Variants in ACMSD observed in about 807,000 individuals in gnomAD.
ACMSD encodes the protein aminocarboxymuconate semialdehyde decarboxylase.
Under a neutral mutation model 45.9 loss-of-function variants are expected in ACMSD, and 37 were observed. The ratio of observed to expected loss-of-function variants is 0.81; its 90% CI spans 0.62 to 1.06. The LOEUF (loss-of-function observed/expected upper bound fraction) is 1.06, where lower values mean the gene tolerates loss of function less well. Among genes scored for constraint, ACMSD ranks in the 50% least tolerant of loss-of-function variants. The pLI is 0.00. For missense variants in ACMSD, 434 were observed against 420.9 expected (o/e 1.03, Z -0.27); for synonymous variants, 138 against 148.8 (o/e 0.93, Z 0.53).
At chr2:134,878,142 C>T (rs1688851456) in intron 8 of ACMSD, among the ~76,000 whole-genome samples, 1 of 152,096 alleles carries the variant, frequency 6.6e-6, no homozygotes, top group African/African-American at 2.4e-5. Context: ...TTGTTCCTCA[C>T]ACACTCAATA....
chr2:134,874,659 A>C lies in ACMSD; in HGVS notation c.849+2018A>C, dbSNP rs371537039. Among the ~76,000 whole-genome samples the C allele has an allele frequency of 3.3e-5, 5 of 152,316 alleles. No homozygotes were observed. The East Asian group carries it at 7.7e-4, about 23-fold the overall frequency. On this transcript the variant is annotated intron_variant, in intron 8 of 9. Transcript: ENST00000356140. ...TTGATGCATTAGGAACAAATGCAGG[A>C]TATACATAGAAAATTAAGCTAATGA...
intron 8 of ACMSD, among the ~76,000 whole-genome samples, chr2:134,895,328 T>TTACATATATATATATATATATGTTATATA (rs1553516998): frequency 7.1e-6 from 1 of 141,584 alleles, no homozygotes; most frequent in East Asian, 2.0e-4. Flanking sequence ...TATATATATG[T>TTACATATATATATATATATATGTTATATA]TATATATATA....
At chr2:134,858,670 T>C (rs1362335694) in intron 2 of ACMSD, among the ~76,000 whole-genome samples, 1 of 152,056 alleles carries the variant, frequency 6.6e-6, no homozygotes, top group Non-Finnish European at 1.5e-5. Flanking sequence ...ATAAAAATTA[T>C]TGCTGTGTAC....
At chr2:134,893,361 G>A (rs1357329702) in intron 8 of ACMSD, among the ~76,000 whole-genome samples, 2 of 151,896 alleles carry the variant, frequency 1.3e-5, no homozygotes, top group Non-Finnish European at 2.9e-5. Flanking sequence ...ACCACACCAA[G>A]CTAATTTGTT....
intron 6 of ACMSD, chr2:134,868,927 G>A (rs1301862260): frequency 6.6e-6 from 1 of 152,192 alleles, no homozygotes; most frequent in East Asian, 1.9e-4. Flanking sequence ...TGTATTGCCT[G>A]TAGTAAATCA....
chr2:134,855,761 A>G (rs1687551791), intron 2 of ACMSD, among the ~76,000 whole-genome samples: 1 of 152,254 alleles, frequency 6.6e-6, no homozygotes, highest in Non-Finnish European at 1.5e-5. Flanking sequence ...ATATATGTGC[A>G]AAATGAACAG....
At chr2:134,847,395 TACAG>T (rs60593896) in intron 2 of ACMSD, among the ~76,000 whole-genome samples, 20,408 of 143,096 alleles carry the variant, frequency 0.14, 1,857 homozygotes, top group East Asian at 0.43. Flanking sequence ...TTTTTGGGGA[TACAG>T]ATAGATAGAT....
chr2:134,882,961 T>C (rs1029225961), intron 8 of ACMSD, among the ~76,000 whole-genome samples: 5 of 152,174 alleles, frequency 3.3e-5, no homozygotes, highest in African/African-American at 1.2e-4. Context: ...CATAGGGAGA[T>C]GTGTGCAGCT....
In ACMSD at chr2:134,861,957, G is replaced by C. The variant is rs759624053; in HGVS notation, c.200-12G>C. The C allele has an allele frequency of 6.2e-7, 1 of 1,613,978 alleles. No homozygotes were observed. Among genetic ancestry groups the C allele is most frequent in the Non-Finnish European group, 8.5e-7 (1 of 1,180,008 alleles). ...TCTCACCAGCTTTGCCCTTCTTTGT[G>C]TCCATGTCTAGGAGTAACAGTGCAA... On this transcript the variant is annotated splice_polypyrimidine_tract_variant and intron_variant, in intron 3 of 9. Coordinates refer to ENST00000356140, the MANE Select transcript of ACMSD (RefSeq NM_138326.3).
At chr2:134,892,499 A>AAATAAATCAATC in intron 8 of ACMSD, among the ~76,000 whole-genome samples, 1 of 137,146 alleles carries the variant, frequency 7.3e-6, no homozygotes. Flanking sequence ...ATAAATAAAT[A>AAATAAATCAATC]AATCCCTGTG....
intron 1 of ACMSD, among the ~76,000 whole-genome samples, chr2:134,839,209 T>G (rs1285952167): frequency 6.6e-6 from 1 of 152,216 alleles, no homozygotes; most frequent in African/African-American, 2.4e-5. Flanking sequence ...TTGTGAATTT[T>G]TTTAGTCTAT....
chr2:134,845,532 TCTCTC>T (rs1687013595), intron 2 of ACMSD, among the ~76,000 whole-genome samples: 1 of 151,092 alleles, frequency 6.6e-6, no homozygotes, highest in South Asian at 2.1e-4. Context: ...TCTCTCTCTC[TCTCTC>T]TCTCTCTCTC....
chr2:134,855,062 T>C (rs960391911), intron 2 of ACMSD, among the ~76,000 whole-genome samples: 34 of 151,720 alleles, frequency 2.2e-4, no homozygotes, highest in Non-Finnish European at 1.5e-4. Context: ...CCATCACCCC[T>C]CTCCTCTCCC....
At chr2:134,897,593 G>A (rs1690237287) in intron 8 of ACMSD, among the ~76,000 whole-genome samples, 1 of 152,020 alleles carries the variant, frequency 6.6e-6, no homozygotes, top group African/African-American at 2.4e-5. Context: ...ATTTTACTTT[G>A]ATAAATTGCC....
intron 8 of ACMSD, among the ~76,000 whole-genome samples, chr2:134,875,885 A>C (rs1688708627): frequency 6.6e-6 from 1 of 152,242 alleles, no homozygotes; most frequent in South Asian, 2.1e-4. Context: ...CGAACATCAC[A>C]GTGCCCTTAC....
intron 8 of ACMSD, among the ~76,000 whole-genome samples, chr2:134,882,126 C>CA (rs1207261658): frequency 5.9e-5 from 9 of 151,616 alleles, no homozygotes; most frequent in Non-Finnish European, 1.3e-4. Context: ...TCAAAACAAA[C>CA]AAAAAAAGGT....
rs1158518481 is a variant in ACMSD, at chr2:134,840,167, C to CAAAAA, written c.57+1450_57+1454dup. On this transcript the variant is annotated intron_variant, in intron 1 of 9. Coordinates refer to ENST00000356140, the MANE Select transcript of ACMSD (RefSeq NM_138326.3). ...TAAAATAGCCATAAACTATACCTAG[C>CAAAAA]AAAAAAAAAAAAAAAAAAAAAAAAA... Among the ~76,000 whole-genome samples the CAAAAA allele has an allele frequency of 6.8e-4, 16 of 23,442 alleles. 1 individual carries two copies. The highest frequency in any genetic ancestry group is 3.9e-3 in the East Asian group (3 of 762). 15.4% of individuals were successfully genotyped at this position (23,442 alleles called of 152,430 possible). A position where few individuals can be genotyped will look rare whatever the true frequency, so the allele number is the denominator to read the frequency against.
At chr2:134,874,124 T>C (rs1688609833) in intron 8 of ACMSD, among the ~76,000 whole-genome samples, 1 of 152,010 alleles carries the variant, frequency 6.6e-6, no homozygotes, top group Non-Finnish European at 1.5e-5. Context: ...AGAGGAAAAA[T>C]ATGGCAAATG....
intron 8 of ACMSD, among the ~76,000 whole-genome samples, chr2:134,889,792 A>AGG (rs1443564199): frequency 6.6e-6 from 1 of 152,080 alleles, no homozygotes; most frequent in Non-Finnish European, 1.5e-5. Flanking sequence ...AGTCAACCTG[A>AGG]AGAGGTGATT....
Sources: allele counts gnomAD v4.1 joint callset (sites outside exome capture counted in the v4.1 genomes callset), GRCh38; gene constraint gnomAD v4.1.1; transcripts MANE v1.5; gene names NCBI Gene and HGNC (gene_info 2026-07-23, HGNC 2026-07-21).